CYSTM1: variants seen among roughly 807,000 people sequenced by gnomAD.
The protein encoded by CYSTM1 is cysteine-rich transmembrane module-containing protein 1.
CYSTM1 carries 4 observed loss-of-function variants against 13.1 expected under a neutral mutation model. The ratio of observed to expected loss-of-function variants is 0.31; its 90% CI spans 0.15 to 0.70. The LOEUF (loss-of-function observed/expected upper bound fraction) is 0.70. Ranked by LOEUF, CYSTM1 falls within the 30% of genes least tolerant of loss-of-function variation. The probability of loss-of-function intolerance (pLI) is 0.72; values close to 1 mark genes in which losing one functional copy is unlikely to be tolerated. For synonymous variants in CYSTM1, 36 were observed against 42.7 expected, an observed-to-expected ratio of 0.84 and a Z score of 0.62; for missense variants, 96 against 121.6, an observed-to-expected ratio of 0.79 and a Z score of 0.99.
rs770093984 is a variant in CYSTM1, at chr5:140,194,661, C to T, written c.187+9C>T. 2 of 1,606,946 alleles carry T rather than the reference C, an allele frequency of 1.2e-6. No individual in the cohort carries two copies. Among genetic ancestry groups the T allele is most frequent in the Non-Finnish European group, 1.7e-6 (2 of 1,177,782 alleles). ...GCCTCCTAAAACCACAGGTGTGTGT[C>T]TCTGAATATGTGGGTGTGCAGTCCC... On this transcript the variant is annotated intron_variant, in intron 2 of 2. Coordinates refer to ENST00000261811, the MANE Select transcript of CYSTM1 (RefSeq NM_032412.4).
At chr5:140,207,676 A>T (rs1022274742) in intron 2 of CYSTM1, among the ~76,000 whole-genome samples, 1 of 152,114 alleles carries the variant, frequency 6.6e-6, no homozygotes, top group Non-Finnish European at 1.5e-5. Flanking sequence ...TGGCCCTGCT[A>T]CTAGGTTCAG....
intron 1 of CYSTM1, among the ~76,000 whole-genome samples, chr5:140,183,219 T>C (rs559865504): frequency 1.2e-4 from 18 of 152,312 alleles, no homozygotes; most frequent in African/African-American, 3.6e-4. Context: ...GACCTGTCCC[T>C]TTCTAGTGTG....
intron 1 of CYSTM1, among the ~76,000 whole-genome samples, chr5:140,183,079 A>G (rs946519279): frequency 5.3e-5 from 8 of 152,130 alleles, no homozygotes; most frequent in Non-Finnish European, 8.8e-5. Context: ...TAAATCATCA[A>G]GATTTCAACT....
chr5:140,227,769 C>A (rs958281587), intron 2 of CYSTM1, among the ~76,000 whole-genome samples: 1 of 152,102 alleles, frequency 6.6e-6, no homozygotes, highest in Non-Finnish European at 1.5e-5. Context: ...ACTAGCTAGG[C>A]CCCACCCTTC....
intron 2 of CYSTM1, among the ~76,000 whole-genome samples, chr5:140,222,763 GGCAGCATGTGGA>G: frequency 6.6e-6 from 1 of 152,190 alleles, no homozygotes; most frequent in Admixed American, 6.5e-5. Context: ...GCCCTGTAGG[GGCAGCATGTGGA>G]GAAAGCCTGT....
At chr5:140,194,914 A>G (rs992673560) in intron 2 of CYSTM1, among the ~76,000 whole-genome samples, 2 of 152,178 alleles carry the variant, frequency 1.3e-5, no homozygotes, top group South Asian at 2.1e-4. Flanking sequence ...CCTCTAGAGC[A>G]CTTGGGGGTG....
At chr5:140,177,870 A>G (rs756306106) in intron 1 of CYSTM1, among the ~76,000 whole-genome samples, 3 of 152,230 alleles carry the variant, frequency 2.0e-5, no homozygotes, top group Non-Finnish European at 4.4e-5. Flanking sequence ...GAAGTGGCCA[A>G]CTAATTATGG....
chr5:140,214,940 G>A (rs529471025), intron 2 of CYSTM1, among the ~76,000 whole-genome samples: 29 of 152,318 alleles, frequency 1.9e-4, no homozygotes, highest in African/African-American at 7.0e-4. Context: ...CAGTAGTAAT[G>A]AGCCATTCCT....
At chr5:140,177,820 T>C (rs1242282806) in intron 1 of CYSTM1, among the ~76,000 whole-genome samples, 2 of 152,236 alleles carry the variant, frequency 1.3e-5, no homozygotes, top group Non-Finnish European at 2.9e-5. Flanking sequence ...TTAAAAAATT[T>C]AGAAAAGTAA....
intron 2 of CYSTM1, 136 bp from the exon 3 acceptor site, chr5:140,243,169 G>A (rs1764771975): frequency 4.3e-6 from 3 of 693,218 alleles, no homozygotes; most frequent in Non-Finnish European, 7.5e-6. Context: ...CAGCAGCAAT[G>A]GCAGGAACAC....
intron 1 of CYSTM1, among the ~76,000 whole-genome samples, chr5:140,193,916 T>G (rs1210510607): frequency 6.6e-6 from 1 of 152,198 alleles, no homozygotes; most frequent in Non-Finnish European, 1.5e-5. Flanking sequence ...GCAATGGTGA[T>G]GGTTACAAAC....
At chr5:140,224,264 C>T (rs1484120249) in intron 2 of CYSTM1, among the ~76,000 whole-genome samples, 4 of 152,070 alleles carry the variant, frequency 2.6e-5, no homozygotes, top group Non-Finnish European at 5.9e-5. Flanking sequence ...CTCAGCCTCT[C>T]GAGTAGCTGG....
rs762600257 is a variant in CYSTM1, at chr5:140,243,383, G to A, written c.266G>A (p.Cys89Tyr). The A allele has an allele frequency of 6.2e-7, 1 of 1,614,102 alleles. No homozygotes were observed. The highest frequency in any genetic ancestry group is 8.5e-7 in the Non-Finnish European group (1 of 1,180,010). Residue 89 changes from cysteine (C) to tyrosine (Y), a missense_variant, in exon 3 of 3, where the codon TGC becomes TAC. Coordinates refer to ENST00000261811, the MANE Select transcript of CYSTM1 (RefSeq NM_032412.4). ...ACAGCCTGCTGGACGGCTCTCTGTT[G>A]CTGCTGTCTCTGGGACATGCTCACC... is the stretch of plus-strand genomic sequence containing the variant. The part of the protein sequence containing the change: ...CLTACWTALC[C>Y]CCLWDMLT
chr5:140,182,858 T>C (rs1176020908), intron 1 of CYSTM1, among the ~76,000 whole-genome samples: 1 of 152,128 alleles, frequency 6.6e-6, no homozygotes, highest in Non-Finnish European at 1.5e-5. Context: ...GTGCAGCACA[T>C]GATAGGCATG....
intron 2 of CYSTM1, among the ~76,000 whole-genome samples, chr5:140,231,514 C>G (rs1276734945): frequency 6.6e-6 from 1 of 152,192 alleles, no homozygotes; most frequent in Non-Finnish European, 1.5e-5. Flanking sequence ...AGGGCTTATA[C>G]TCTAGGGAGG....
chr5:140,243,337 C>T lies in CYSTM1; in HGVS notation c.220C>T (p.Leu74=). The change falls in exon 3 of 3, where the codon CTA becomes TTA. Residue 74 remains leucine (L), a synonymous_variant. Transcript: ENST00000261811. The part of the protein sequence containing the change: ...YVVEDQRRDE[L]GPSTCLTACW... Reference sequence around the variant, plus strand: ...GGTAGAAGACCAAAGAAGAGATGAGCTAGGACCATCCACCTGCCTCACAGC... The same window carrying T: ...GGTAGAAGACCAAAGAAGAGATGAGTTAGGACCATCCACCTGCCTCACAGC... 1 of 1,614,186 alleles carries T rather than the reference C, an allele frequency of 6.2e-7. No individual in the cohort carries two copies. Among genetic ancestry groups the T allele is most frequent in the Non-Finnish European group, 8.5e-7 (1 of 1,180,040 alleles).
intron 2 of CYSTM1, among the ~76,000 whole-genome samples, chr5:140,237,500 A>C (rs545441289): frequency 6.6e-6 from 1 of 152,252 alleles, no homozygotes; most frequent in Admixed American, 6.5e-5. Flanking sequence ...TGAACTCAGC[A>C]TCCTCTTACC....
Position 140,193,286 on chromosome 5 carries a change from T to C in CYSTM1, c.-20-1160T>C, listed in dbSNP as rs530110078. The stretch of plus-strand genomic sequence containing the variant: ...CCCCAGTAATTGTTTGTTTGTTTGT[T>C]TGTTTGTTTGTTTTTGAGACGGAGT... On this transcript the variant is annotated intron_variant, in intron 1 of 2. Coordinates refer to ENST00000261811, the MANE Select transcript of CYSTM1 (RefSeq NM_032412.4). Among the ~76,000 whole-genome samples the C allele has an allele frequency of 3.6e-3, 547 of 152,246 alleles. 2 individuals are homozygous for C. Among genetic ancestry groups the C allele is most frequent in the African/African-American group, 0.012 (514 of 41,542 alleles).
At chr5:140,221,512 C>G (rs13175751) in intron 2 of CYSTM1, among the ~76,000 whole-genome samples, 35,187 of 152,198 alleles carry the variant, frequency 0.23, 4,104 homozygotes, top group African/African-American at 0.25. Flanking sequence ...AGCACAATGT[C>G]CTCAAGATTC....
Sources: allele counts gnomAD v4.1 joint callset (sites outside exome capture counted in the v4.1 genomes callset), GRCh38; gene constraint gnomAD v4.1.1; transcripts MANE v1.5; gene names NCBI Gene and HGNC (gene_info 2026-07-23, HGNC 2026-07-21).